APBB1: variants seen among roughly 807,000 people sequenced by gnomAD.
The protein encoded by APBB1 is amyloid beta precursor protein binding family B member 1.
In APBB1, 22 loss-of-function variants were observed where a neutral mutation model predicts 78.4. That is an observed-to-expected ratio of 0.28 (90% CI 0.20 to 0.40). The LOEUF (loss-of-function observed/expected upper bound fraction) is 0.40, where lower values mean the gene tolerates loss of function less well. Among genes scored for constraint, APBB1 ranks in the 10% least tolerant of loss-of-function variants. The pLI is 1.00. For synonymous variants in APBB1, 369 were observed against 372.7 expected (o/e 0.99, Z 0.12); for missense variants, 749 against 932.4 (o/e 0.80, Z 2.56).
At chr11:6,415,447 G>C (rs950717857) in intron 1 of APBB1, among the ~76,000 whole-genome samples, 2 of 152,194 alleles carry the variant, frequency 1.3e-5, no homozygotes, top group Non-Finnish European at 2.9e-5. Flanking sequence ...AACAGTCATT[G>C]AACAACTTGT....
At chr11:6,400,815 G>A (rs1848462591) in intron 12 of APBB1, among the ~76,000 whole-genome samples, 174 bp downstream of exon 12, 1 of 152,202 alleles carries the variant, frequency 6.6e-6, no homozygotes. Context: ...GCTGCTATAG[G>A]CAGGACAGGA....
intron 2 of APBB1, chr11:6,405,280 C>G: frequency 1.0e-6 from 1 of 997,896 alleles, no homozygotes; most frequent in Non-Finnish European, 1.2e-6. Flanking sequence ...CGCCCCTGTC[C>G]AGGACCTGCA....
chr11:6,399,130 G>A (rs1848371149), intron 12 of APBB1, among the ~76,000 whole-genome samples: 1 of 152,122 alleles, frequency 6.6e-6, no homozygotes, highest in African/African-American at 2.4e-5. Flanking sequence ...AGGGCCTCAA[G>A]GCTATGACTA....
rs184224900 is a variant in APBB1 at position 6,401,630 on chromosome 11, G to A, written c.1447C>T (p.Arg483Cys). ...LTQMLKCHVF[R>C]CEAPAKNIAT... is the part of the protein sequence containing the mutation. Reference sequence around the variant, plus strand: ...ATGTTCTTGGCAGGTGCCTCACAGCGAAACACGTGGCACTTGAGCATCTGG... The same window carrying A: ...ATGTTCTTGGCAGGTGCCTCACAGCAAAACACGTGGCACTTGAGCATCTGG... Residue 483 changes from arginine (R) to cysteine (C), a missense_variant, in exon 10 of 15, where the codon CGC becomes TGC. Transcript: ENST00000609360. The surrounding 1 kb of genome is among the most constrained non-coding windows in gnomAD (Gnocchi z 4.5). 60 of 1,614,202 alleles carry A rather than the reference G, an allele frequency of 3.7e-5. No homozygotes were observed. Among genetic ancestry groups the A allele is most frequent in the Admixed American group, 1.3e-4 (8 of 60,026 alleles).
intron 1 of APBB1, among the ~76,000 whole-genome samples, chr11:6,418,672 T>C (rs1849180858): frequency 6.7e-6 from 1 of 148,736 alleles, no homozygotes; most frequent in Admixed American, 6.7e-5. Flanking sequence ...CACGTCCCCT[T>C]CCCGGACCTG....
intron 2 of APBB1, chr11:6,404,994 GGGA>G (rs1848736109): frequency 1.4e-6 from 2 of 1,429,906 alleles, no homozygotes; most frequent in Admixed American, 2.9e-5. Context: ...CACCATGCTA[GGGA>G]ATCTCCTTGG....
At chr11:6,402,786 G>A in intron 6 of APBB1, 61 bp from the exon 7 acceptor site, 1 of 1,602,402 alleles carries the variant, frequency 6.2e-7, no homozygotes, top group Admixed American at 1.7e-5. Context: ...GAGAGTTCCT[G>A]ACTACAGAGT....
rs1476202267 is a variant in APBB1, at chr11:6,410,845, T to C, written c.503A>G (p.Glu168Gly). The change falls in exon 2 of 15, where the codon GAG becomes GGG. Residue 168 changes from glutamate to glycine, a missense_variant. Coordinates refer to ENST00000609360, the MANE Select transcript of APBB1 (RefSeq NM_001164.5). ...GGGAGAAGATAAGTCCTCCTCCTCC[T>C]CTTCATCATCATCATCCTCCTCCTC... ...EEEEEDDDDE[E>G]EEEDLSSPPG... 3.7e-6 allele frequency: 6 copies of C among 1,613,978 alleles called. No homozygotes were observed. Among genetic ancestry groups the C allele is most frequent in the Non-Finnish European group, 5.1e-6 (6 of 1,179,946 alleles).
At chr11:6,410,524 A>C in intron 2 of APBB1, 103 bp downstream of exon 2, 1 of 1,033,420 alleles carries the variant, frequency 9.7e-7, no homozygotes, top group Non-Finnish European at 1.4e-6. Flanking sequence ...GCCTCAGGGT[A>C]TGGGCTCTCA....
chr11:6,414,546 C>T (rs1354060075), intron 1 of APBB1, among the ~76,000 whole-genome samples: 1 of 152,138 alleles, frequency 6.6e-6, no homozygotes, highest in Non-Finnish European at 1.5e-5. Context: ...AAGCTCAGAA[C>T]TGGCTGGGAA....
chr11:6,418,346 T>A (rs1849172157), intron 1 of APBB1, among the ~76,000 whole-genome samples: 3 of 152,152 alleles, frequency 2.0e-5, no homozygotes, highest in African/African-American at 4.8e-5. Flanking sequence ...AGTGGAGTGC[T>A]TTTAAGAATG....
At chr11:6,406,412 C>CA (rs1380586156) in intron 2 of APBB1, among the ~76,000 whole-genome samples, 4 of 151,898 alleles carry the variant, frequency 2.6e-5, no homozygotes, top group African/African-American at 9.7e-5. Flanking sequence ...TTTTAACCTG[C>CA]ATCATTGCAA....
chr11:6,404,459 G>A (rs1200673298), intron 2 of APBB1: 5 of 949,900 alleles, frequency 5.3e-6, no homozygotes, highest in Non-Finnish European at 7.9e-6. Context: ...CAACACACGT[G>A]TGGGTACCAC....
In APBB1 at chr11:6,401,221, T is replaced by C. The variant is rs1848480359; in HGVS notation, c.1588+124A>G. The C allele has an allele frequency of 6.2e-7, 1 of 1,610,672 alleles. No homozygotes were observed. Among genetic ancestry groups the C allele is most frequent in the African/African-American group, 1.3e-5 (1 of 74,792 alleles). Reference sequence around the variant, plus strand: ...CTTTAACCGGAGTCCCTCCACGTATTGGAGTATTCAGTCTTCATGTGTTCA... The same window carrying C: ...CTTTAACCGGAGTCCCTCCACGTATCGGAGTATTCAGTCTTCATGTGTTCA... On this transcript the variant is annotated intron_variant, in intron 11 of 14. Coordinates refer to ENST00000609360, the MANE Select transcript of APBB1 (RefSeq NM_001164.5). This position sits in a 1 kb window ranked among gnomAD's most constrained non-coding sequence, Gnocchi z 4.5.
At position 6,404,906 on chromosome 11, in the gene APBB1, G is replaced by A. The variant is rs78138428; in HGVS notation, c.722-1084C>T. The A allele has an allele frequency of 3.9e-3, 5,753 of 1,486,878 alleles. 219 individuals are homozygous for A. In the East Asian group the frequency reaches 0.09, roughly 23 times the overall value. The allele number at this position is 1,486,878 out of a possible 1,614,324, so 92.1% of individuals were successfully genotyped here. A position where few individuals can be genotyped will look rare whatever the true frequency, so the allele number is the denominator to read the frequency against. On this transcript the variant is annotated intron_variant, in intron 2 of 14. Transcript: ENST00000609360. ...TGGGCTGCAGAGAAAAGCTCATCCC[G>A]CCCCCTTCTCACCAGGGCAGAGCGT... is the stretch of plus-strand genomic sequence containing the variant.
In APBB1 at chr11:6,401,546, C is replaced by A; in HGVS notation, c.1503+28G>T. ...CACCCTTGTAGAGCAAAGGTGGCAACTAGTCCAGGGAGTGGAGGGGGCCGT... is the reference window on the plus strand; with the variant it reads ...CACCCTTGTAGAGCAAAGGTGGCAAATAGTCCAGGGAGTGGAGGGGGCCGT... On this transcript the variant is annotated intron_variant, in intron 10 of 14. Transcript: ENST00000609360. This position sits in a 1 kb window ranked among gnomAD's most constrained non-coding sequence, Gnocchi z 4.5. The A allele has an allele frequency of 1.2e-6, 2 of 1,614,134 alleles. No homozygotes were observed. Among genetic ancestry groups the A allele is most frequent in the Non-Finnish European group, 1.7e-6 (2 of 1,180,008 alleles).
chr11:6,402,920 A>G (rs1848606649), intron 6 of APBB1, 195 bp from the exon 7 acceptor site: 7 of 810,812 alleles, frequency 8.6e-6, no homozygotes, highest in Non-Finnish European at 1.3e-5. Flanking sequence ...AGTACAAAAA[A>G]GCACCTGAAC....
rs777439261 is a variant in APBB1 at position 6,401,238 on chromosome 11, A to G, written c.1588+107T>C. 8 of 1,610,738 alleles carry G rather than the reference A, an allele frequency of 5.0e-6. No individual in the cohort carries two copies. The Admixed American group carries it at 6.8e-5, about 14-fold the overall frequency. ...CCACGTATTGGAGTATTCAGTCTTC[A>G]TGTGTTCATTTTTCTATCAGCGCTG... On this transcript the variant is annotated intron_variant, in intron 11 of 14. Transcript: ENST00000609360. This position sits in a 1 kb window ranked among gnomAD's most constrained non-coding sequence, Gnocchi z 4.5.
intron 12 of APBB1, among the ~76,000 whole-genome samples, chr11:6,400,787 A>G (rs1237631264): frequency 6.6e-6 from 1 of 152,192 alleles, no homozygotes; most frequent in Non-Finnish European, 1.5e-5. Flanking sequence ...GCTGATGCTC[A>G]GCGAAGGCGT....
Sources: gnomAD v4.1 joint callset for allele counts (sites outside exome capture counted in the v4.1 genomes callset) on GRCh38, gnomAD v4.1.1 for gene constraint, Gnocchi (gnomAD v3.1) non-coding constraint, MANE v1.5 for transcripts, NCBI Gene and HGNC (gene_info 2026-07-23, HGNC 2026-07-21) for gene names.